The following CDK13 variants were observed in gnomAD, a reference collection of about 807,000 sequenced individuals.
The protein encoded by CDK13 is cyclin dependent kinase 13, also known as cyclin-dependent kinase 13.
In CDK13, 40 loss-of-function variants were observed where a neutral mutation model predicts 137.6. The ratio of observed to expected loss-of-function variants is 0.29; its 90% CI spans 0.23 to 0.38. The LOEUF (loss-of-function observed/expected upper bound fraction) is 0.38, where lower values mean the gene tolerates loss of function less well. Among genes scored for constraint, CDK13 ranks in the 10% least tolerant of loss-of-function variants. The probability of loss-of-function intolerance (pLI) is 1.00; values close to 1 mark genes in which losing one functional copy is unlikely to be tolerated. For synonymous variants in CDK13, 869 were observed against 760.1 expected (o/e 1.14, Z -2.36); for missense variants, 1,704 against 1,951.8 (o/e 0.87, Z 2.39).
chr7:40,090,658 G>T (rs1454501119), intron 12 of CDK13, among the ~76,000 whole-genome samples: 1 of 150,580 alleles, frequency 6.6e-6, no homozygotes, highest in Non-Finnish European at 1.5e-5. Flanking sequence ...GCCGGGGCGG[G>T]CTGTTTGCTT....
intron 1 of CDK13, among the ~76,000 whole-genome samples, chr7:39,977,980 C>T (rs935410394): frequency 8.5e-5 from 13 of 152,084 alleles, no homozygotes; most frequent in African/African-American, 3.1e-4. Flanking sequence ...TAGAGGGTGC[C>T]ACTGCCTCAG....
At chr7:40,048,097 T>C (rs1050722648) in intron 7 of CDK13, 2 of 367,954 alleles carry the variant, frequency 5.4e-6, no homozygotes, top group Non-Finnish European at 9.7e-6. Context: ...CAGGTAAAAA[T>C]GATTTTTTTA....
chr7:40,072,422 C>T (rs1786442741), intron 9 of CDK13: 1 of 152,194 alleles, frequency 6.6e-6, no homozygotes, highest in African/African-American at 2.4e-5. Context: ...CACTGCACCT[C>T]ACTTAACAAG....
At chr7:40,002,134 A>G (rs1033869699) in intron 5 of CDK13, 103 bp downstream of exon 5, 3 of 685,290 alleles carry the variant, frequency 4.4e-6, no homozygotes, top group African/African-American at 1.8e-5. Context: ...ATTACAAACT[A>G]TTGCTCTAAT....
intron 1 of CDK13, among the ~76,000 whole-genome samples, chr7:39,968,360 A>G (rs1783918084): frequency 1.3e-5 from 2 of 152,110 alleles, no homozygotes; most frequent in Non-Finnish European, 2.9e-5. Flanking sequence ...GTGTGAGATG[A>G]GAGTCTATTT....
In CDK13 at chr7:39,976,323, T is replaced by TCTCTCTCTCTCTCTCTCTCA; in HGVS notation, c.1212-11275_1212-11274insTCTCTCTCTCTCTCTCTCAC. 4.0e-3 allele frequency among the ~76,000 whole-genome samples: 158 copies of TCTCTCTCTCTCTCTCTCTCA among 39,558 alleles called. 1 individual carries two copies. The highest frequency in any genetic ancestry group is 4.6e-3 in the Non-Finnish European group (79 of 17,102). 26.0% of individuals were successfully genotyped at this position (39,558 alleles called of 152,430 possible). A position where few individuals can be genotyped will look rare whatever the true frequency, so the allele number is the denominator to read the frequency against. On this transcript the variant is annotated intron_variant, in intron 1 of 13. Transcript: ENST00000181839. The stretch of plus-strand genomic sequence containing the variant: ...CTCTCTCTCTCTCTCTCTCTCTCTC[T>TCTCTCTCTCTCTCTCTCTCA]CACACACACACACACACACACACAC...
intron 5 of CDK13, among the ~76,000 whole-genome samples, chr7:40,021,114 T>TAC (rs1261518119): frequency 7.5e-4 from 71 of 94,760 alleles, no homozygotes; most frequent in African/African-American, 2.3e-3. Context: ...TATATATATA[T>TAC]ATATATATAC....
chr7:39,970,132 G>A (rs1783964687), intron 1 of CDK13, among the ~76,000 whole-genome samples: 1 of 151,678 alleles, frequency 6.6e-6, no homozygotes, highest in Non-Finnish European at 1.5e-5. Context: ...AGCCTCCTGA[G>A]TGGCTGGGAT....
chr7:40,004,857 A>G (rs1037945781), intron 5 of CDK13, among the ~76,000 whole-genome samples: 3 of 152,240 alleles, frequency 2.0e-5, no homozygotes, highest in Non-Finnish European at 4.4e-5. Context: ...TAACTAAGCT[A>G]TTAGTTGTGT....
intron 5 of CDK13, among the ~76,000 whole-genome samples, chr7:40,038,072 A>C (rs1785523549): frequency 6.6e-6 from 1 of 152,192 alleles, no homozygotes; most frequent in African/African-American, 2.4e-5. Flanking sequence ...AAACTATAAA[A>C]CAGGTACATT....
chr7:39,997,570 C>A lies in CDK13; in HGVS notation c.1948C>A (p.Pro650Thr), dbSNP rs755540907. The A allele has an allele frequency of 6.2e-7, 1 of 1,606,538 alleles. No homozygotes were observed. The highest frequency in any genetic ancestry group is 1.7e-5 in the Admixed American group (1 of 57,834). Reference sequence around the variant, plus strand: ...ACTCCGATGTCTTCTTGCTGATTTACCGCTGCCCCCTGAGCTACCAGGAGG... The same window carrying A: ...ACTCCGATGTCTTCTTGCTGATTTAACGCTGCCCCCTGAGCTACCAGGAGG... ...KKLRCLLADL[P>T]LPPELPGGDD... Residue 650 changes from proline (P) to threonine (T), a missense_variant, in exon 3 of 14, where the codon CCG (proline) becomes ACG (threonine). Pro to Thr is a conservative substitution (Grantham distance 38). Around this residue, in one of 5 missense-constraint regions of CDK13, gnomAD observed 1,051 missense variants for 931.0 expected, o/e 1.13. Coordinates refer to ENST00000181839, the MANE Select transcript of CDK13 (RefSeq NM_003718.5).
At chr7:39,963,700 G>T (rs1295570258) in intron 1 of CDK13, among the ~76,000 whole-genome samples, 2 of 152,154 alleles carry the variant, frequency 1.3e-5, no homozygotes, top group African/African-American at 4.8e-5. Flanking sequence ...CCTGTCTTGT[G>T]CCAGTTTTCA....
intron 7 of CDK13, among the ~76,000 whole-genome samples, chr7:40,056,428 AT>A (rs1348912887): frequency 4.6e-5 from 7 of 152,302 alleles, no homozygotes; most frequent in African/African-American, 1.7e-4. Context: ...CCCTGGCTTT[AT>A]CCCCTTTCTC....
Position 39,961,888 on chromosome 7 carries a change from T to C in CDK13, c.1211+10036T>C, listed in dbSNP as rs185075078. Among the ~76,000 whole-genome samples the C allele has an allele frequency of 3.9e-3, 588 of 152,284 alleles. 8 individuals carry two copies. The highest frequency in any genetic ancestry group is 0.014 in the African/African-American group (561 of 41,540). On this transcript the variant is annotated intron_variant, in intron 1 of 13. Transcript: ENST00000181839. ...ACCTATGAGTGAGAACATGCGGTGT[T>C]TGGTTTTTTGTCCTTGCAATAGTTT...
At chr7:39,983,841 T>C (rs1453313561) in intron 1 of CDK13, among the ~76,000 whole-genome samples, 1 of 152,160 alleles carries the variant, frequency 6.6e-6, no homozygotes, top group Non-Finnish European at 1.5e-5. Context: ...TTAACCAAGT[T>C]ATTTCACAAC....
chr7:40,061,226 A>G (rs1786139452), intron 7 of CDK13: 1 of 152,250 alleles, frequency 6.6e-6, no homozygotes, highest in Non-Finnish European at 1.5e-5. Flanking sequence ...CACTGAGAAA[A>G]GTACATTAAT....
chr7:39,960,030 T>C (rs1320653045), intron 1 of CDK13, among the ~76,000 whole-genome samples: 16 of 152,026 alleles, frequency 1.1e-4, no homozygotes, highest in East Asian at 1.9e-4. Context: ...GTAGTACTTT[T>C]ATCTCTTCAT....
intron 7 of CDK13, among the ~76,000 whole-genome samples, chr7:40,054,226 A>G (rs1031412013): frequency 6.6e-6 from 1 of 152,196 alleles, no homozygotes; most frequent in Non-Finnish European, 1.5e-5. Flanking sequence ...GTTATGCTGT[A>G]GGTTTAATCT....
At chr7:40,068,707 GAAAAAAAAAAAAA>G (rs1158145409) in intron 9 of CDK13, among the ~76,000 whole-genome samples, 1 of 47,082 alleles carries the variant, frequency 2.1e-5, no homozygotes, top group Non-Finnish European at 3.9e-5. Flanking sequence ...CTATGTCTCA[GAAAAAAAAAAAAA>G]AAAAAAAAAA....
Sources: gnomAD v4.1 joint callset for allele counts (sites outside exome capture counted in the v4.1 genomes callset) on GRCh38, gnomAD v4.1.1 for gene constraint, gnomAD v4.1.1 regional missense constraint, MANE v1.5 for transcripts, NCBI Gene and HGNC (gene_info 2026-07-23, HGNC 2026-07-21) for gene names.